ZFR2: variants seen among roughly 807,000 people sequenced by gnomAD.
ZFR2 encodes zinc finger RNA binding protein 2.
A neutral mutation model predicts 105.7 loss-of-function variants in ZFR2; 104 were observed. That is an observed-to-expected ratio of 0.98 (90% CI 0.84 to 1.16). The LOEUF (loss-of-function observed/expected upper bound fraction) is 1.16. ZFR2 is among the 50% of genes most tolerant of loss of function. ZFR2 has a pLI of 0.00. For missense variants in ZFR2, 1,425 were observed against 1,355.5 expected (o/e 1.05, Z -0.80); for synonymous variants, 634 against 597.7 (o/e 1.06, Z -0.89).
At chr19:3,819,292 T>TGGGTAGGC in intron 11 of ZFR2, 57 bp from the exon 12 acceptor site, 1 of 1,400,266 alleles carries the variant, frequency 7.1e-7, no homozygotes, top group Non-Finnish European at 9.2e-7. Context: ...TGGGGAGTGC[T>TGGGTAGGC]GGGCAGGCGG....
At chr19:3,822,018 C>A (rs2037900117) in intron 9 of ZFR2, 63 bp downstream of exon 9, 2 of 1,522,554 alleles carry the variant, frequency 1.3e-6, no homozygotes, top group Non-Finnish European at 1.8e-6. Context: ...CACAGGCCTC[C>A]CAGCGCCCGC....
At chr19:3,822,347 A>G (rs946532967) in intron 8 of ZFR2, 147 bp from the exon 9 acceptor site, 2 of 1,350,950 alleles carry the variant, frequency 1.5e-6, no homozygotes, top group Non-Finnish European at 2.0e-6. Context: ...TTGCTGTGTC[A>G]CCCAAGCTGG....
Position 3,817,760 on chromosome 19 carries a change from AAG to A in ZFR2, c.1932-917_1932-916del, listed in dbSNP as rs1491169849. 2.4e-3 allele frequency among the ~76,000 whole-genome samples: 329 copies of A among 139,004 alleles called. 19 individuals are homozygous for A. Among genetic ancestry groups the A allele is most frequent in the African/African-American group, 4.5e-3 (169 of 37,286 alleles). 91.2% of individuals were successfully genotyped at this position (139,004 alleles called of 152,430 possible). ...AACAGAGCAAGACTCAGTCTCAAAA[AAG>A]AAAAAAAAAAAAAAAAAAGGAGAGG... On this transcript the variant is annotated intron_variant, in intron 12 of 18. Transcript: ENST00000262961.
chr19:3,819,179 G>A lies in ZFR2; in HGVS notation c.1797C>T (p.Thr599=), dbSNP rs1225949814. 1 of 1,594,636 alleles carries A rather than the reference G, an allele frequency of 6.3e-7. No homozygotes were observed. Among genetic ancestry groups the A allele is most frequent in the East Asian group, 2.2e-5 (1 of 44,744 alleles). ...GGAGCTCCTGCTCCGTGGGGTAGAT[G>A]GTGGCGTGCTTGCACATGACGTGCC... ...DDRHVMCKHA[T]IYPTEQELLA... The change falls in exon 12 of 19, where the codon ACC becomes ACT. Residue 599 remains threonine (T), a synonymous_variant. Transcript: ENST00000262961.
At chr19:3,827,401 G>A (rs2037962456) in intron 6 of ZFR2, 70 bp downstream of exon 6, 2 of 1,434,632 alleles carry the variant, frequency 1.4e-6, no homozygotes, top group Non-Finnish European at 9.1e-7. Flanking sequence ...AGGTACCTCT[G>A]TGGGTCCCAA....
rs370107381 is a variant in ZFR2, at chr19:3,816,733, C to T, written c.2044G>A (p.Glu682Lys). ...RNVRLALLCS[E>K]KPTHSLLRRI... ...CGCAGCAGGCTGTGCGTGGGCTTCT[C>T]GGAGCAGAGCAGAGCGAGGCGCACG... Residue 682 changes from glutamate (E) to lysine (K), a missense_variant, in exon 13 of 19, where the codon GAG becomes AAG. Physicochemically the swap from Glu to Lys is moderately conservative, Grantham distance 56. Coordinates refer to ENST00000262961, the MANE Select transcript of ZFR2 (RefSeq NM_015174.2). 1.3e-5 allele frequency: 21 copies of T among 1,612,458 alleles called. No individual in the cohort carries two copies. The highest frequency in any genetic ancestry group is 1.1e-4 in the African/African-American group (8 of 74,932).
Position 3,857,974 on chromosome 19 carries a change from C to T in ZFR2, c.53+10991G>A, listed in dbSNP as rs2038327586. Among the ~76,000 whole-genome samples the T allele has an allele frequency of 2.6e-5, 4 of 152,138 alleles. No individual in the cohort carries two copies. The South Asian group carries it at 8.3e-4, about 32-fold the overall frequency. ...GGTGACACACGTCTACAAGTCCTGC[C>T]CGGCACTCCCACCTTCAGGCCCCAG... On this transcript the variant is annotated intron_variant, in intron 1 of 18. Transcript: ENST00000262961.
intron 1 of ZFR2, among the ~76,000 whole-genome samples, chr19:3,868,263 C>A (rs891803443): frequency 1.5e-4 from 22 of 151,572 alleles, no homozygotes; most frequent in Admixed American, 3.9e-4. Flanking sequence ...CAGCCAGGAA[C>A]CCTCGCTGAT....
rs760076703 is a variant in ZFR2 at position 3,825,257 on chromosome 19, G to T, written c.1186C>A (p.Pro396Thr). The T allele has an allele frequency of 1.9e-6, 3 of 1,554,440 alleles. No individual in the cohort carries two copies. Among genetic ancestry groups the T allele is most frequent in the East Asian group, 4.8e-5 (2 of 42,006 alleles). The change falls in exon 7 of 19, where the codon CCC (proline) becomes ACC (threonine). Residue 396 changes from proline to threonine, a missense_variant. Pro to Thr is a conservative substitution (Grantham distance 38). Coordinates refer to ENST00000262961, the MANE Select transcript of ZFR2 (RefSeq NM_015174.2). ...ASSRPALAKR[P>T]VASKALCEGP... is the part of the protein sequence containing the mutation. The stretch of plus-strand genomic sequence containing the variant: ...TCGCATAAGGCCTTCGAGGCCACGG[G>T]TCTCTTGGCCAGCGCTGGCCTGCTC...
At chr19:3,840,709 T>G (rs924451970) in intron 1 of ZFR2, among the ~76,000 whole-genome samples, 18 of 152,080 alleles carry the variant, frequency 1.2e-4, no homozygotes, top group African/African-American at 3.4e-4. Flanking sequence ...TTTGTTTTTT[T>G]GGGGTAGAGA....
intron 12 of ZFR2, among the ~76,000 whole-genome samples, chr19:3,818,330 G>T (rs1228288072): frequency 2.6e-5 from 4 of 152,094 alleles, no homozygotes; most frequent in African/African-American, 9.7e-5. Context: ...AGCTGGGTGT[G>T]GTGGTGGGCG....
At chr19:3,846,677 C>T (rs574584944) in intron 1 of ZFR2, among the ~76,000 whole-genome samples, 37 of 152,280 alleles carry the variant, frequency 2.4e-4, no homozygotes, top group Non-Finnish European at 1.8e-4. Context: ...ACTACATAAG[C>T]GGAATGTGCT....
intron 12 of ZFR2, among the ~76,000 whole-genome samples, chr19:3,817,057 G>C (rs539574053): frequency 3.3e-5 from 5 of 152,142 alleles, no homozygotes; most frequent in Admixed American, 3.3e-4. Flanking sequence ...TGCTGTCACC[G>C]GGCATGCCTC....
chr19:3,854,530 A>G (rs1222002494), intron 1 of ZFR2, among the ~76,000 whole-genome samples: 1 of 152,146 alleles, frequency 6.6e-6, no homozygotes, highest in Non-Finnish European at 1.5e-5. Flanking sequence ...CTCCGGACCA[A>G]AACCAAAAGT....
chr19:3,817,567 G>GATAATAATA (rs10605531), intron 12 of ZFR2, among the ~76,000 whole-genome samples: 9 of 124,018 alleles, frequency 7.3e-5, no homozygotes, highest in East Asian at 2.5e-4. Flanking sequence ...TCAAAATAAT[G>GATAATAATA]ATAATAATAA....
chr19:3,833,664 C>A lies in ZFR2; in HGVS notation c.379G>T (p.Gly127Trp). The part of the protein sequence containing the change: ...RMTAADSGQP[G>W]TQEACGQPSP... Reference sequence around the variant, plus strand: ...AGCCCCGACCCTGCAGATGGCTCACCTGGCTGGCCGGAGTCTGCGGCTGTC... The same window carrying A: ...AGCCCCGACCCTGCAGATGGCTCACATGGCTGGCCGGAGTCTGCGGCTGTC... The change falls in exon 3 of 19, where the codon GGG becomes TGG. Residue 127 changes from glycine to tryptophan, a missense_variant and splice_region_variant. Physicochemically the swap from Gly to Trp is radical, Grantham distance 184 (BLOSUM62 -2). Coordinates refer to ENST00000262961, the MANE Select transcript of ZFR2 (RefSeq NM_015174.2). The A allele has an allele frequency of 6.4e-7, 1 of 1,555,240 alleles. No homozygotes were observed. The highest frequency in any genetic ancestry group is 8.7e-7 in the Non-Finnish European group (1 of 1,149,266).
At chr19:3,864,210 A>G (rs2038405124) in intron 1 of ZFR2, among the ~76,000 whole-genome samples, 1 of 151,960 alleles carries the variant, frequency 6.6e-6, no homozygotes, top group Non-Finnish European at 1.5e-5. Flanking sequence ...GCAAGACCCT[A>G]TCTCTACAAA....
At chr19:3,833,821 G>C (rs1336976604) in intron 2 of ZFR2, 43 bp from the exon 3 acceptor site, 8 of 1,493,562 alleles carry the variant, frequency 5.4e-6, no homozygotes, top group Non-Finnish European at 6.4e-6. Flanking sequence ...GAACGGAGGA[G>C]AGCAGCTCAG....
rs370321678 is a variant in ZFR2, at chr19:3,841,868, C to A, written c.54-6885G>T. Among the ~76,000 whole-genome samples, 10 of 152,014 alleles carry A rather than the reference C, an allele frequency of 6.6e-5. No homozygotes were observed. The East Asian group carries it at 7.9e-4, about 12-fold the overall frequency. ...GTGTCACAATCTTGGCTCACTGCAA[C>A]CTCCACCTCCCAGTTTCAAGCAATT... is the stretch of plus-strand genomic sequence containing the variant. On this transcript the variant is annotated intron_variant, in intron 1 of 18. Transcript: ENST00000262961.
Sources: allele counts gnomAD v4.1 joint callset (sites outside exome capture counted in the v4.1 genomes callset), GRCh38; gene constraint gnomAD v4.1.1; transcripts MANE v1.5; gene names NCBI Gene and HGNC (gene_info 2026-07-23, HGNC 2026-07-21).